The following STK39 variants were observed in gnomAD, a reference collection of about 807,000 sequenced individuals.
STK39 encodes the protein STE20/SPS1-related proline-alanine-rich protein kinase.
STK39 carries 20 observed loss-of-function variants against 77.8 expected under a neutral mutation model. The ratio of observed to expected loss-of-function variants is 0.26; its 90% CI spans 0.18 to 0.37. The LOEUF (loss-of-function observed/expected upper bound fraction) is 0.37, where lower values mean the gene tolerates loss of function less well. STK39 is among the 10% of genes least tolerant of loss of function. The pLI is 1.00. For synonymous variants in STK39, 246 were observed against 234.1 expected, an observed-to-expected ratio of 1.05 and a Z score of -0.47; for missense variants, 479 against 656.5, an observed-to-expected ratio of 0.73 and a Z score of 2.95.
intron 1 of STK39, among the ~76,000 whole-genome samples, chr2:168,202,056 C>T (rs533496355): frequency 2.1e-4 from 32 of 152,182 alleles, no homozygotes; most frequent in Non-Finnish European, 4.1e-4. Context: ...CCCCCGCCCC[C>T]GCTACATGCT....
intron 16 of STK39, among the ~76,000 whole-genome samples, chr2:167,990,392 C>T (rs2105281594): frequency 6.6e-6 from 1 of 152,296 alleles, no homozygotes; most frequent in Non-Finnish European, 1.5e-5. Flanking sequence ...GCTGTACAAA[C>T]AGATATCCAA....
intron 1 of STK39, among the ~76,000 whole-genome samples, chr2:168,237,162 T>A (rs1261475598): frequency 6.6e-6 from 1 of 152,238 alleles, no homozygotes; most frequent in Non-Finnish European, 1.5e-5. Context: ...GTCCTTCACA[T>A]CCCTTGTAAG....
At chr2:168,036,179 T>A (rs781616076) in intron 14 of STK39, among the ~76,000 whole-genome samples, 1 of 151,554 alleles carries the variant, frequency 6.6e-6, no homozygotes, top group Non-Finnish European at 1.5e-5. Context: ...CAAATCAGCG[T>A]GGGCGCCAAT....
At chr2:168,156,950 C>G (rs956781784) in intron 5 of STK39, among the ~76,000 whole-genome samples, 2 of 152,210 alleles carry the variant, frequency 1.3e-5, no homozygotes, top group Non-Finnish European at 2.9e-5. Context: ...TCTTAAACCC[C>G]TACCCTCCCC....
intron 1 of STK39, among the ~76,000 whole-genome samples, chr2:168,200,078 G>A (rs1418951486): frequency 1.3e-5 from 2 of 152,050 alleles, no homozygotes; most frequent in South Asian, 2.1e-4. Flanking sequence ...ACCAAATAGG[G>A]CCAACAAAAT....
intron 1 of STK39, among the ~76,000 whole-genome samples, chr2:168,203,997 C>T (rs1452797539): frequency 6.6e-6 from 1 of 152,216 alleles, no homozygotes; most frequent in Non-Finnish European, 1.5e-5. Flanking sequence ...AACACAGAGG[C>T]TCCTCTATCT....
chr2:168,157,777 A>G (rs1490362926), intron 5 of STK39, among the ~76,000 whole-genome samples: 3 of 152,178 alleles, frequency 2.0e-5, no homozygotes, highest in Non-Finnish European at 2.9e-5. Context: ...AATTCAAACC[A>G]CAGCACACAC....
At chr2:168,151,901 A>C (rs1285385379) in intron 5 of STK39, among the ~76,000 whole-genome samples, 1 of 152,230 alleles carries the variant, frequency 6.6e-6, no homozygotes, top group Admixed American at 6.5e-5. Flanking sequence ...CTCAAAGTTC[A>C]GTTGACTGAT....
At position 168,021,047 on chromosome 2, in the gene STK39, T is replaced by C. The variant is rs79033121; in HGVS notation, c.1377-3952A>G. Among the ~76,000 whole-genome samples the C allele has an allele frequency of 3.6e-3, 554 of 152,298 alleles. 6 individuals are homozygous for C. Among genetic ancestry groups the C allele is most frequent in the African/African-American group, 0.013 (536 of 41,566 alleles). On this transcript the variant is annotated intron_variant, in intron 14 of 17. Transcript: ENST00000355999. The stretch of plus-strand genomic sequence containing the variant: ...ATGAGGAAAGCAAGTATTTATAATG[T>C]GTTTAATAATAAAATGACAGGAAAA...
intron 13 of STK39, among the ~76,000 whole-genome samples, chr2:168,064,286 G>C (rs75258218): frequency 6.6e-6 from 1 of 152,040 alleles, no homozygotes; most frequent in South Asian, 2.1e-4. Context: ...CCCTGTTCCC[G>C]TTTCCTTTAC....
chr2:168,144,248 A>G (rs1688073161), intron 5 of STK39, among the ~76,000 whole-genome samples: 2 of 152,158 alleles, frequency 1.3e-5, no homozygotes, highest in Admixed American at 1.3e-4. Flanking sequence ...TGACTCCCGA[A>G]AGGGACTTAA....
chr2:168,089,001 G>C (rs1242787694), intron 10 of STK39, among the ~76,000 whole-genome samples: 1 of 152,170 alleles, frequency 6.6e-6, no homozygotes, highest in Non-Finnish European at 1.5e-5. Flanking sequence ...CTGATCTCTA[G>C]ATTTCGAAGA....
chr2:168,066,031 C>T (rs1259272770), intron 12 of STK39, among the ~76,000 whole-genome samples: 4 of 150,874 alleles, frequency 2.7e-5, no homozygotes, highest in African/African-American at 9.8e-5. Flanking sequence ...ACAACACCAA[C>T]AACAACAACA....
chr2:168,219,343 C>T (rs1280449124), intron 1 of STK39, among the ~76,000 whole-genome samples: 1 of 152,040 alleles, frequency 6.6e-6, no homozygotes, highest in African/African-American at 2.4e-5. Flanking sequence ...TCCACATACA[C>T]TTAACTCTCA....
chr2:168,098,354 G>A (rs4667557), intron 10 of STK39, among the ~76,000 whole-genome samples: 149,791 of 152,312 alleles, frequency 0.98, 73,688 homozygotes, highest in Middle Eastern at 1. Flanking sequence ...TGAGAAATCC[G>A]TATCACAAGG....
At chr2:168,011,470 T>C (rs1173513882) in intron 16 of STK39, among the ~76,000 whole-genome samples, 1 of 152,184 alleles carries the variant, frequency 6.6e-6, no homozygotes, top group Non-Finnish European at 1.5e-5. Flanking sequence ...ATTATGAATA[T>C]GCTAACTAAT....
At chr2:168,135,255 A>T (rs532148797) in intron 8 of STK39, among the ~76,000 whole-genome samples, 1 of 149,242 alleles carries the variant, frequency 6.7e-6, no homozygotes, top group East Asian at 2.0e-4. Context: ...CTTGGTCAGA[A>T]AAAAAAAAAA....
At chr2:168,214,469 C>T (rs890929127) in intron 1 of STK39, among the ~76,000 whole-genome samples, 8 of 151,818 alleles carry the variant, frequency 5.3e-5, no homozygotes, top group Admixed American at 4.6e-4. Flanking sequence ...AACAGGTGGT[C>T]GCCAGGGGCT....
chr2:168,077,733 T>C (rs903285074), intron 10 of STK39, among the ~76,000 whole-genome samples: 5 of 152,172 alleles, frequency 3.3e-5, no homozygotes, highest in African/African-American at 9.7e-5. Context: ...TTATGTGACA[T>C]TGACGTCTAC....
Sources: gnomAD v4.1 joint callset for allele counts (sites outside exome capture counted in the v4.1 genomes callset) on GRCh38, gnomAD v4.1.1 for gene constraint, MANE v1.5 for transcripts, NCBI Gene and HGNC (gene_info 2026-07-23, HGNC 2026-07-21) for gene names.